The following RFX6 variants were observed in gnomAD, a reference collection of about 807,000 sequenced individuals.
RFX6 encodes the protein DNA-binding protein RFX6.
A neutral mutation model predicts 110.8 loss-of-function variants in RFX6; 50 were observed. The observed-to-expected ratio is 0.45, with a 90% CI of 0.36 to 0.57. The LOEUF is 0.57. Among genes scored for constraint, RFX6 ranks in the 20% least tolerant of loss-of-function variants. The pLI is 0.00. For synonymous variants in RFX6, 383 were observed against 411.2 expected (o/e 0.93, Z 0.83); for missense variants, 990 against 1,127.0 (o/e 0.88, Z 1.74).
In RFX6 at chr6:116,877,372, C is replaced by T; in HGVS notation, c.97C>T (p.Leu33=). 1.9e-6 allele frequency: 3 copies of T among 1,611,526 alleles called. No homozygotes were observed. Among genetic ancestry groups the T allele is most frequent in the Non-Finnish European group, 2.5e-6 (3 of 1,179,046 alleles). The change falls in exon 1 of 19, where the codon CTG becomes TTG. Residue 33 remains leucine (L), a synonymous_variant. Transcript: ENST00000332958. ...GIQEDCCVQL[L]GKGLLVYPEE... ...CCAGGAAGACTGCTGTGTGCAGCTCCTGGGCAAGGGCTTGCTAGTCTATCC... is the reference window on the plus strand; with the variant it reads ...CCAGGAAGACTGCTGTGTGCAGCTCTTGGGCAAGGGCTTGCTAGTCTATCC...
At chr6:116,925,387 C>A in intron 15 of RFX6, 66 bp from the exon 16 acceptor site, 1 of 1,222,752 alleles carries the variant, frequency 8.2e-7, no homozygotes, top group Non-Finnish European at 1.2e-6. Flanking sequence ...TTTCTTTTTA[C>A]TTGGGTTTAT....
intron 6 of RFX6, among the ~76,000 whole-genome samples, chr6:116,903,078 T>C (rs1392309538): frequency 2.0e-5 from 3 of 152,140 alleles, no homozygotes; most frequent in African/African-American, 7.2e-5. Context: ...TGGCACCTCT[T>C]TTAGTACGAT....
At position 116,911,082 on chromosome 6, in the gene RFX6, G is replaced by A. The variant is rs538534572; in HGVS notation, c.780+40G>A. The A allele has an allele frequency of 6.7e-6, 9 of 1,340,968 alleles. No individual in the cohort carries two copies. In the East Asian group the frequency reaches 1.8e-4, roughly 27 times the overall value. 83.1% of individuals were successfully genotyped at this position (1,340,968 alleles called of 1,614,324 possible). On this transcript the variant is annotated intron_variant, in intron 7 of 18. Transcript: ENST00000332958. ...TACTTCTCTATTGATTTTCTGATAT[G>A]TTGGCTCCATATGTCAATTTGCTGG...
chr6:116,905,027 G>C (rs1243612253), intron 6 of RFX6, among the ~76,000 whole-genome samples: 2 of 152,134 alleles, frequency 1.3e-5, no homozygotes, highest in Non-Finnish European at 2.9e-5. Context: ...ATTGTTTTGG[G>C]TATATACCCA....
At chr6:116,897,929 G>A (rs1397830113) in intron 6 of RFX6, among the ~76,000 whole-genome samples, 1 of 152,246 alleles carries the variant, frequency 6.6e-6, no homozygotes, top group South Asian at 2.1e-4. Context: ...GATGGTGATT[G>A]AAGCCATGGT....
chr6:116,924,295 A>G (rs1212277140), intron 14 of RFX6, among the ~76,000 whole-genome samples: 2 of 152,242 alleles, frequency 1.3e-5, no homozygotes, highest in Non-Finnish European at 2.9e-5. Flanking sequence ...AGTAAACAGA[A>G]ATAGAGCAGA....
intron 4 of RFX6, among the ~76,000 whole-genome samples, chr6:116,892,399 G>A (rs116074769): frequency 7.9e-4 from 120 of 152,316 alleles, no homozygotes; most frequent in African/African-American, 2.8e-3. Flanking sequence ...TGGGTCCCTG[G>A]GGCCCTGGAA....
Position 116,909,735 on chromosome 6 carries a change from C to CTTTTTTTTTTTTT in RFX6, c.673-1183_673-1171dup, listed in dbSNP as rs59264999. 1.3e-4 allele frequency among the ~76,000 whole-genome samples: 9 copies of CTTTTTTTTTTTTT among 67,378 alleles called. 1 individual carries two copies. The highest frequency in any genetic ancestry group is 5.5e-4 in the African/African-American group (9 of 16,512). The allele number at this position is 67,378 out of a possible 152,430, so 44.2% of individuals were successfully genotyped here. On this transcript the variant is annotated intron_variant, in intron 6 of 18. Coordinates refer to ENST00000332958, the MANE Select transcript of RFX6 (RefSeq NM_173560.4). ...TTTTAAATATAAAGCTCATTTAAAT[C>CTTTTTTTTTTTTT]TTTTTTTTTTTTTTTTTTTTTTTTT...
chr6:116,901,083 A>G (rs375274772), intron 6 of RFX6, among the ~76,000 whole-genome samples: 3 of 152,324 alleles, frequency 2.0e-5, no homozygotes. Flanking sequence ...ACACTTCATT[A>G]TAAAATAAGC....
chr6:116,907,501 T>A (rs1775232529), intron 6 of RFX6, among the ~76,000 whole-genome samples: 1 of 152,142 alleles, frequency 6.6e-6, no homozygotes, highest in Admixed American at 6.5e-5. Context: ...TTTCTTTGAG[T>A]GTGTTGGTTA....
intron 7 of RFX6, among the ~76,000 whole-genome samples, chr6:116,913,214 G>A (rs1775392132): frequency 6.6e-6 from 1 of 151,920 alleles, no homozygotes; most frequent in African/African-American, 2.4e-5. Context: ...AGTGCCTGCC[G>A]ACATGCCTGG....
Position 116,902,988 on chromosome 6 carries a change from T to C in RFX6, c.672+7781T>C, listed in dbSNP as rs376528506. Among the ~76,000 whole-genome samples, 4 of 152,142 alleles carry C rather than the reference T, an allele frequency of 2.6e-5. No individual in the cohort carries two copies. The South Asian group carries it at 8.3e-4, about 32-fold the overall frequency. The stretch of plus-strand genomic sequence containing the variant: ...CTTTTAGAAATACGATTCTTAATAG[T>C]TCACCCAAGAGTACCGAAGTTATCA... On this transcript the variant is annotated intron_variant, in intron 6 of 18. Transcript: ENST00000332958.
chr6:116,919,328 G>T (rs747563493), intron 11 of RFX6, 32 bp downstream of exon 11: 21 of 1,590,744 alleles, frequency 1.3e-5, no homozygotes, highest in Non-Finnish European at 1.8e-5. Context: ...GAGCATTTGA[G>T]TCACCATATA....
rs5879394 is a variant in RFX6, at chr6:116,917,338, GTT to G, written c.973-685_973-684del. Among the ~76,000 whole-genome samples, 352 of 139,244 alleles carry G rather than the reference GTT, an allele frequency of 2.5e-3. 1 individual carries two copies. The highest frequency in any genetic ancestry group is 6.3e-3 in the Admixed American group (88 of 13,952). 91.3% of individuals were successfully genotyped at this position (139,244 alleles called of 152,430 possible). The stretch of plus-strand genomic sequence containing the variant: ...TTCAGAGGAGAGTAAGGATTGTCTT[GTT>G]TTTTTTTTTTTTTCTGGATTGAATA... On this transcript the variant is annotated intron_variant, in intron 9 of 18. Coordinates refer to ENST00000332958, the MANE Select transcript of RFX6 (RefSeq NM_173560.4).
intron 6 of RFX6, among the ~76,000 whole-genome samples, chr6:116,895,771 G>A (rs1270597424): frequency 6.6e-6 from 1 of 151,952 alleles, no homozygotes; most frequent in Non-Finnish European, 1.5e-5. Flanking sequence ...GGACTGCATG[G>A]GTAATTAGAC....
rs144729869 is a variant in RFX6, at chr6:116,932,072, C to T, written c.*566C>T. ...TGATTTCTGTCACATAGCAGCATTC[C>T]GATTCTATGTAACTGAATGGAGATG... On this transcript the variant is annotated 3_prime_UTR_variant, in exon 19 of 19. Transcript: ENST00000332958. The T allele has an allele frequency of 1.8e-3, 276 of 153,270 alleles. 1 individual carries two copies. The highest frequency in any genetic ancestry group is 3.1e-3 in the Non-Finnish European group (213 of 68,474). The allele number at this position is 153,270 out of a possible 1,614,324, so 9.5% of individuals were successfully genotyped here. A position where few individuals can be genotyped will look rare whatever the true frequency, so the allele number is the denominator to read the frequency against.
chr6:116,910,009 A>T (rs758670157), intron 6 of RFX6, among the ~76,000 whole-genome samples: 1 of 152,064 alleles, frequency 6.6e-6, no homozygotes, highest in Non-Finnish European at 1.5e-5. Context: ...TGTCTACTAA[A>T]CATCTTCAAT....
In RFX6 at chr6:116,931,576, C is replaced by T. The variant is rs189190769; in HGVS notation, c.*70C>T. Reference sequence around the variant, plus strand: ...TACTGTGCAAATATCATTATTCACTCAGACTTCCATAAGAGTAAATAAAAA... The same window carrying T: ...TACTGTGCAAATATCATTATTCACTTAGACTTCCATAAGAGTAAATAAAAA... On this transcript the variant is annotated 3_prime_UTR_variant, in exon 19 of 19. Coordinates refer to ENST00000332958, the MANE Select transcript of RFX6 (RefSeq NM_173560.4). 3.6e-4 allele frequency: 408 copies of T among 1,123,968 alleles called. 1 individual carries two copies. Among genetic ancestry groups the T allele is most frequent in the Non-Finnish European group, 5.2e-4 (392 of 759,688 alleles). 69.6% of individuals were successfully genotyped at this position (1,123,968 alleles called of 1,614,324 possible). A position where few individuals can be genotyped will look rare whatever the true frequency, so the allele number is the denominator to read the frequency against.
At chr6:116,903,149 C>A (rs1228542624) in intron 6 of RFX6, among the ~76,000 whole-genome samples, 2 of 151,962 alleles carry the variant, frequency 1.3e-5, no homozygotes, top group African/African-American at 4.8e-5. Context: ...TAAAGATGAT[C>A]ACTCCTCTCT....
Sources: gnomAD v4.1 joint callset for allele counts (sites outside exome capture counted in the v4.1 genomes callset) on GRCh38, gnomAD v4.1.1 for gene constraint, MANE v1.5 for transcripts, NCBI Gene and HGNC (gene_info 2026-07-23, HGNC 2026-07-21) for gene names.